METTL9: variants seen among roughly 807,000 people sequenced by gnomAD.
The protein encoded by METTL9 is methyltransferase 9, His-X-His N1(pi)-histidine.
A neutral mutation model predicts 36.0 loss-of-function variants in METTL9; 10 were observed. The observed-to-expected ratio is 0.28, with a 90% CI of 0.17 to 0.47. The LOEUF (loss-of-function observed/expected upper bound fraction) is 0.47, where lower values mean the gene tolerates loss of function less well. METTL9 is among the 20% of genes least tolerant of loss of function. METTL9 has a pLI of 0.99. For synonymous variants in METTL9, 175 were observed against 149.7 expected, an observed-to-expected ratio of 1.17 and a Z score of -1.23; for missense variants, 246 against 383.5, an observed-to-expected ratio of 0.64 and a Z score of 3.00.
chr16:21,624,703 G>A (rs1218470902), intron 3 of METTL9, among the ~76,000 whole-genome samples: 1 of 151,350 alleles, frequency 6.6e-6, no homozygotes, highest in Admixed American at 6.6e-5. Context: ...CTCCAGCCTG[G>A]GCAACAGAGT....
intron 4 of METTL9, among the ~76,000 whole-genome samples, chr16:21,625,686 G>A (rs534464972): frequency 1.7e-4 from 26 of 152,114 alleles, no homozygotes; most frequent in African/African-American, 6.0e-4. Context: ...TAGAAGAAAC[G>A]GGTTGATTTC....
intron 4 of METTL9, among the ~76,000 whole-genome samples, chr16:21,644,071 A>T (rs889114866): frequency 6.6e-6 from 1 of 152,166 alleles, no homozygotes; most frequent in Non-Finnish European, 1.5e-5. Flanking sequence ...AAGAGAAAAC[A>T]GCAAACTATG....
At chr16:21,641,664 T>C in intron 4 of METTL9, 2 of 888,848 alleles carry the variant, frequency 2.3e-6, no homozygotes, top group South Asian at 1.5e-5. Context: ...CCAAGGAACA[T>C]GCAAACCACT....
At chr16:21,600,075 C>T (rs1312735087) in intron 1 of METTL9, among the ~76,000 whole-genome samples, 177 bp downstream of exon 1, 1 of 152,160 alleles carries the variant, frequency 6.6e-6, no homozygotes, top group South Asian at 2.1e-4. Context: ...CCGCGAGCCC[C>T]GGGCACCCGG....
At chr16:21,640,596 C>CAAAAAAAAAAAAAAAAAAAAA (rs368761095) in intron 4 of METTL9, 1 of 65,586 alleles carries the variant, frequency 1.5e-5, no homozygotes, top group Non-Finnish European at 3.3e-5. Context: ...ACTAAAAATA[C>CAAAAAAAAAAAAAAAAAAAAA]AAAAAAAAAA....
intron 4 of METTL9, among the ~76,000 whole-genome samples, chr16:21,629,701 A>C (rs1597764386): frequency 6.6e-6 from 1 of 152,158 alleles, no homozygotes; most frequent in Non-Finnish European, 1.5e-5. Context: ...CAAAGAACGA[A>C]AGAACAAAGC....
At chr16:21,599,493 C>G (rs995697052), upstream of METTL9, 19 of 1,208,896 alleles carry the variant, frequency 1.6e-5, no homozygotes, top group Middle Eastern at 3.3e-4. The surrounding 1 kb of genome is among the most constrained non-coding windows in gnomAD (Gnocchi z 4.4). Flanking sequence ...CGTAAGTGCT[C>G]CGGATGGAAA....
At chr16:21,629,586 C>T (rs1402744484) in intron 4 of METTL9, among the ~76,000 whole-genome samples, 1 of 152,042 alleles carries the variant, frequency 6.6e-6, no homozygotes, top group African/African-American at 2.4e-5. Flanking sequence ...TGGTGGGTTC[C>T]TGGTCTTGCT....
Position 21,656,104 on chromosome 16 carries a change from A to G in METTL9, c.*672A>G, listed in dbSNP as rs1012911714. 1 of 151,666 alleles carries G rather than the reference A, an allele frequency of 6.6e-6. No homozygotes were observed. The highest frequency in any genetic ancestry group is 1.5e-5 in the Non-Finnish European group (1 of 67,956). 9.4% of individuals were successfully genotyped at this position (151,666 alleles called of 1,614,324 possible). A position where few individuals can be genotyped will look rare whatever the true frequency, so the allele number is the denominator to read the frequency against. On this transcript the variant is annotated 3_prime_UTR_variant, in exon 5 of 5. Coordinates refer to ENST00000358154, the MANE Select transcript of METTL9 (RefSeq NM_016025.5). Reference sequence around the variant, plus strand: ...GGGGAGATTATTGCAAATTGCAGTGAACACTGAGTCAGTAAAAAAAAAAAA... The same window carrying G: ...GGGGAGATTATTGCAAATTGCAGTGGACACTGAGTCAGTAAAAAAAAAAAA...
intron 1 of METTL9, among the ~76,000 whole-genome samples, chr16:21,602,758 A>T (rs950340987): frequency 2.0e-5 from 3 of 151,968 alleles, no homozygotes; most frequent in African/African-American, 7.3e-5. Flanking sequence ...CCCAGGTTCA[A>T]GCAATTCTGA....
At chr16:21,642,343 A>T (rs1490979126) in intron 4 of METTL9, 1 of 152,254 alleles carries the variant, frequency 6.6e-6, no homozygotes. Context: ...TACAGAGAAG[A>T]TTAGCATGGC....
intron 4 of METTL9, chr16:21,652,498 A>G (rs776240570): frequency 1.9e-6 from 3 of 1,548,880 alleles, no homozygotes; most frequent in Admixed American, 1.8e-5. Context: ...GTTGATTTAA[A>G]TAAAATGAAG....
intron 4 of METTL9, among the ~76,000 whole-genome samples, chr16:21,645,173 C>CT (rs1224061483): frequency 6.6e-6 from 1 of 152,180 alleles, no homozygotes; most frequent in Non-Finnish European, 1.5e-5. Context: ...ATAGATGAGA[C>CT]TGAGTGTGAT....
chr16:21,618,137 TA>T, intron 3 of METTL9, 63 bp downstream of exon 3: 2 of 1,181,626 alleles, frequency 1.7e-6, no homozygotes, highest in South Asian at 1.6e-5. Context: ...AGGATATGAA[TA>T]AAAAATGATC....
At chr16:21,632,787 G>A (rs556978790) in intron 4 of METTL9, among the ~76,000 whole-genome samples, 5 of 152,188 alleles carry the variant, frequency 3.3e-5, no homozygotes, top group African/African-American at 9.6e-5. Context: ...CCGTAAACAG[G>A]CCAGCCTTTT....
intron 4 of METTL9, among the ~76,000 whole-genome samples, chr16:21,648,041 G>C (rs1188380378): frequency 6.6e-6 from 1 of 152,118 alleles, no homozygotes; most frequent in Non-Finnish European, 1.5e-5. Flanking sequence ...TGTGAGCCTG[G>C]TGTCCCTTTG....
chr16:21,615,107 T>C (rs1965521041), intron 2 of METTL9, among the ~76,000 whole-genome samples: 1 of 152,230 alleles, frequency 6.6e-6, no homozygotes, highest in African/African-American at 2.4e-5. Flanking sequence ...TCAATCCTGG[T>C]TGATAAACAC....
At chr16:21,622,471 C>A (rs1429947863) in intron 3 of METTL9, among the ~76,000 whole-genome samples, 1 of 152,018 alleles carries the variant, frequency 6.6e-6, no homozygotes, top group African/African-American at 2.4e-5. Flanking sequence ...TATTTTACAT[C>A]CTTCTGGAAG....
intron 4 of METTL9, chr16:21,644,250 A>C: frequency 7.5e-7 from 1 of 1,336,190 alleles, no homozygotes. Flanking sequence ...GATAATATTC[A>C]AGGATATAGG....
Sources: allele counts gnomAD v4.1 joint callset (sites outside exome capture counted in the v4.1 genomes callset), GRCh38; gene constraint gnomAD v4.1.1; non-coding constraint Gnocchi (gnomAD v3.1); transcripts MANE v1.5; gene names NCBI Gene and HGNC (gene_info 2026-07-23, HGNC 2026-07-21).